DCUN1D5: variants seen among roughly 807,000 people sequenced by gnomAD.
DCUN1D5 encodes the protein defective in cullin neddylation 1 domain containing 5.
Under a neutral mutation model 38.3 loss-of-function variants are expected in DCUN1D5, and 10 were observed. The observed-to-expected ratio is 0.26, with a 90% confidence interval of 0.16 to 0.44. The LOEUF (loss-of-function observed/expected upper bound fraction) is 0.44. Among genes scored for constraint, DCUN1D5 ranks in the 20% least tolerant of loss-of-function variants. DCUN1D5 has a pLI of 1.00. For missense variants in DCUN1D5, 148 were observed against 275.3 expected (o/e 0.54, Z 3.27); for synonymous variants, 93 against 90.9 (o/e 1.02, Z -0.13).
Position 103,068,838 on chromosome 11 carries a change from TAA to T in DCUN1D5, c.342-2273_342-2272del, listed in dbSNP as rs34458894. Among the ~76,000 whole-genome samples the T allele has an allele frequency of 8.0e-3, 1,165 of 145,342 alleles. 13 individuals carry two copies. Among genetic ancestry groups the T allele is most frequent in the African/African-American group, 0.027 (1,070 of 40,046 alleles). On this transcript the variant is annotated intron_variant, in intron 4 of 7. Transcript: ENST00000260247. ...CACATGTACCCCCAAACCTAAAAAT[TAA>T]AAAAAAAAAAAGATCTTACAGTTCA...
In DCUN1D5 at chr11:103,086,106, T is replaced by C. The variant is rs1272939779; in HGVS notation, c.179-2780A>G. Among the ~76,000 whole-genome samples the C allele has an allele frequency of 2.6e-5, 4 of 152,164 alleles. No homozygotes were observed. The highest frequency in any genetic ancestry group is 2.9e-5 in the Non-Finnish European group (2 of 68,018). On this transcript the variant is annotated intron_variant, in intron 2 of 7. Coordinates refer to ENST00000260247, the MANE Select transcript of DCUN1D5 (RefSeq NM_032299.4). This position sits in a 1 kb window ranked among gnomAD's most constrained non-coding sequence, Gnocchi z 4.1. The stretch of plus-strand genomic sequence containing the variant: ...AAACACCATCAATTTCCTGATTTCT[T>C]TATAACCATAAAGGAATGTTCCTAG...
rs1488782304 is a variant in DCUN1D5, at chr11:103,052,214, C to T, written c.*10145G>A. 6.6e-6 allele frequency: 1 copy of T among 152,170 alleles called. No individual in the cohort carries two copies. The highest frequency in any genetic ancestry group is 6.5e-5 in the Admixed American group (1 of 15,276). 9.4% of individuals were successfully genotyped at this position (152,170 alleles called of 1,614,324 possible). A position where few individuals can be genotyped will look rare whatever the true frequency, so the allele number is the denominator to read the frequency against. Reference sequence around the variant, plus strand: ...ATGCTGAGAGCTGAAGACATGGTTTCTGCCCTCAAGAATCTCAGTCTAATG... The same window carrying T: ...ATGCTGAGAGCTGAAGACATGGTTTTTGCCCTCAAGAATCTCAGTCTAATG... On this transcript the variant is annotated 3_prime_UTR_variant, in exon 8 of 8. Coordinates refer to ENST00000260247, the MANE Select transcript of DCUN1D5 (RefSeq NM_032299.4).
Position 103,092,004 on chromosome 11 carries a change from C to A in DCUN1D5, c.-132G>T, listed in dbSNP as rs758333816. Reference sequence around the variant, plus strand: ...GAGGAGCAGAGTCGCCAGCCCGCACCGGCGCGGCCCAGCCCGGCCGCCGCC... The same window carrying A: ...GAGGAGCAGAGTCGCCAGCCCGCACAGGCGCGGCCCAGCCCGGCCGCCGCC... On this transcript the variant is annotated 5_prime_UTR_variant, in exon 1 of 8. Transcript: ENST00000260247. 18 of 809,024 alleles carry A rather than the reference C, an allele frequency of 2.2e-5. No homozygotes were observed. Among genetic ancestry groups the A allele is most frequent in the Non-Finnish European group, 3.2e-5 (17 of 531,516 alleles). The allele number at this position is 809,024 out of a possible 1,614,324, so 50.1% of individuals were successfully genotyped here. A position where few individuals can be genotyped will look rare whatever the true frequency, so the allele number is the denominator to read the frequency against.
chr11:103,069,557 TA>T (rs1265421056), intron 4 of DCUN1D5, among the ~76,000 whole-genome samples: 1 of 152,080 alleles, frequency 6.6e-6, no homozygotes, highest in Non-Finnish European at 1.5e-5. Context: ...TCTTGCCAGG[TA>T]GTAACAAGCA....
Position 103,091,895 on chromosome 11 carries a change from G to A in DCUN1D5, c.-23C>T. 6.2e-7 allele frequency: 1 copy of A among 1,605,938 alleles called. No individual in the cohort carries two copies. The highest frequency in any genetic ancestry group is 8.5e-7 in the Non-Finnish European group (1 of 1,175,574). On this transcript the variant is annotated 5_prime_UTR_variant, in exon 1 of 8. Coordinates refer to ENST00000260247, the MANE Select transcript of DCUN1D5 (RefSeq NM_032299.4). The surrounding 1 kb of genome is among the most constrained non-coding windows in gnomAD (Gnocchi z 4.3). Reference sequence around the variant, plus strand: ...CATCTTCCGCCCTCCCCGGCAGGGTGGGCAGGGGAGCCGGGGAAGGGGGTC... The same window carrying A: ...CATCTTCCGCCCTCCCCGGCAGGGTAGGCAGGGGAGCCGGGGAAGGGGGTC...
chr11:103,063,912 T>C lies in DCUN1D5; in HGVS notation c.658+363A>G, dbSNP rs1024806495. ...TACAATAATGTTAAAGCTTTTTCTA[T>C]TGTGGCTGATTGTTTTGCTGTTATA... On this transcript the variant is annotated intron_variant, in intron 7 of 7. Coordinates refer to ENST00000260247, the MANE Select transcript of DCUN1D5 (RefSeq NM_032299.4). This position sits in a 1 kb window ranked among gnomAD's most constrained non-coding sequence, Gnocchi z 4.6. Among the ~76,000 whole-genome samples, 3 of 152,198 alleles carry C rather than the reference T, an allele frequency of 2.0e-5. No homozygotes were observed. Among genetic ancestry groups the C allele is most frequent in the Admixed American group, 6.5e-5 (1 of 15,284 alleles).
Position 103,055,333 on chromosome 11 carries a change from TC to T in DCUN1D5, c.*7025del, listed in dbSNP as rs1450399466. 6.6e-6 allele frequency: 1 copy of T among 152,160 alleles called. No homozygotes were observed. The highest frequency in any genetic ancestry group is 2.4e-5 in the African/African-American group (1 of 41,440). The allele number at this position is 152,160 out of a possible 1,614,324, so 9.4% of individuals were successfully genotyped here. On this transcript the variant is annotated 3_prime_UTR_variant, in exon 8 of 8. Coordinates refer to ENST00000260247, the MANE Select transcript of DCUN1D5 (RefSeq NM_032299.4). The stretch of plus-strand genomic sequence containing the variant: ...GCTATATTAATTCATGTAGAACTCT[TC>T]ACAATCTAGAAGCAAGCCTGCCCTC...
In DCUN1D5 at chr11:103,052,016, C is replaced by T. The variant is rs1861752518; in HGVS notation, c.*10343G>A. The T allele has an allele frequency of 6.6e-6, 1 of 152,222 alleles. No individual in the cohort carries two copies. Among genetic ancestry groups the T allele is most frequent in the Non-Finnish European group, 1.5e-5 (1 of 68,036 alleles). 9.4% of individuals were successfully genotyped at this position (152,222 alleles called of 1,614,324 possible). The stretch of plus-strand genomic sequence containing the variant: ...TATAGCTTATTGTCATATTATTCAA[C>T]TGGCACTAACTCAGAAAATGCTTAG... On this transcript the variant is annotated 3_prime_UTR_variant, in exon 8 of 8. Coordinates refer to ENST00000260247, the MANE Select transcript of DCUN1D5 (RefSeq NM_032299.4).
At position 103,087,006 on chromosome 11, in the gene DCUN1D5, T is replaced by A. The variant is rs1428956881; in HGVS notation, c.178+2221A>T. 6.6e-6 allele frequency among the ~76,000 whole-genome samples: 1 copy of A among 151,906 alleles called. No individual in the cohort carries two copies. Among genetic ancestry groups the A allele is most frequent in the East Asian group, 1.9e-4 (1 of 5,188 alleles). ...ATATGATCTTGGGCAAATTAATTAATCTAAGTCTCAGTTTTCTCATCTATA... is the reference window on the plus strand; with the variant it reads ...ATATGATCTTGGGCAAATTAATTAAACTAAGTCTCAGTTTTCTCATCTATA... On this transcript the variant is annotated intron_variant, in intron 2 of 7. Transcript: ENST00000260247. The surrounding 1 kb of genome is among the most constrained non-coding windows in gnomAD (Gnocchi z 4.1).
rs535406998 is a variant in DCUN1D5 at position 103,056,690 on chromosome 11, GA to G, written c.*5668del. 6.6e-6 allele frequency among the ~76,000 whole-genome samples: 1 copy of G among 152,176 alleles called. No individual in the cohort carries two copies. On this transcript the variant is annotated 3_prime_UTR_variant, in exon 8 of 8. Coordinates refer to ENST00000260247, the MANE Select transcript of DCUN1D5 (RefSeq NM_032299.4). This position sits in a 1 kb window ranked among gnomAD's most constrained non-coding sequence, Gnocchi z 4.9. ...CTAGAATACTTCTTGGCATATAGTA[GA>G]TGCTTGAGATTTGTTAAATTAATGA...
rs1254801944 is a variant in DCUN1D5, at chr11:103,056,885, CCTA to C, written c.*5471_*5473del. ...AGTAACAAGACGCATTCATTTAACA[CCTA>C]CTAAGTGCTGTGGATAGGGCCTATT... On this transcript the variant is annotated 3_prime_UTR_variant, in exon 8 of 8. Transcript: ENST00000260247. The surrounding 1 kb of genome is among the most constrained non-coding windows in gnomAD (Gnocchi z 4.9). Among the ~76,000 whole-genome samples the C allele has an allele frequency of 6.6e-6, 1 of 152,168 alleles. No individual in the cohort carries two copies. The highest frequency in any genetic ancestry group is 1.5e-5 in the Non-Finnish European group (1 of 68,030).
At position 103,078,042 on chromosome 11, in the gene DCUN1D5, C is replaced by G. The variant is rs1420523411; in HGVS notation, c.341+4706G>C. Among the ~76,000 whole-genome samples, 1 of 152,154 alleles carries G rather than the reference C, an allele frequency of 6.6e-6. No homozygotes were observed. Among genetic ancestry groups the G allele is most frequent in the Non-Finnish European group, 1.5e-5 (1 of 68,034 alleles). ...AAAAATCATATAAATGTTCCCTATTCCCCTCTCGCTAAGACGGTCAAGCCA... is the reference window on the plus strand; with the variant it reads ...AAAAATCATATAAATGTTCCCTATTGCCCTCTCGCTAAGACGGTCAAGCCA... On this transcript the variant is annotated intron_variant, in intron 4 of 7. Coordinates refer to ENST00000260247, the MANE Select transcript of DCUN1D5 (RefSeq NM_032299.4). The surrounding 1 kb of genome is among the most constrained non-coding windows in gnomAD (Gnocchi z 4.6).
At position 103,062,678 on chromosome 11, in the gene DCUN1D5, A is replaced by T. The variant is rs932307256; in HGVS notation, c.659-264T>A. ...ACCCTCCAGTAACTGAGTCAATACA[A>T]ATCTCTCCCTTTTTCTAAGTGTCCA... On this transcript the variant is annotated intron_variant, in intron 7 of 7. Transcript: ENST00000260247. This position sits in a 1 kb window ranked among gnomAD's most constrained non-coding sequence, Gnocchi z 4.6. Among the ~76,000 whole-genome samples, 1 of 152,070 alleles carries T rather than the reference A, an allele frequency of 6.6e-6. No individual in the cohort carries two copies. Among genetic ancestry groups the T allele is most frequent in the South Asian group, 2.1e-4 (1 of 4,824 alleles).
rs1038970247 is a variant in DCUN1D5 at position 103,058,914 on chromosome 11, T to A, written c.*3445A>T. Among the ~76,000 whole-genome samples, 2 of 151,964 alleles carry A rather than the reference T, an allele frequency of 1.3e-5. No homozygotes were observed. The highest frequency in any genetic ancestry group is 2.4e-5 in the African/African-American group (1 of 41,410). ...GTTTTTTTGGGGGGGGTTTTAATTTTATTTTTTATTTTTGGCCTTTTGCTT... is the reference window on the plus strand; with the variant it reads ...GTTTTTTTGGGGGGGGTTTTAATTTAATTTTTTATTTTTGGCCTTTTGCTT... On this transcript the variant is annotated 3_prime_UTR_variant, in exon 8 of 8. Transcript: ENST00000260247.
chr11:103,079,110 C>A (rs142496367), intron 4 of DCUN1D5, among the ~76,000 whole-genome samples: 1 of 152,148 alleles, frequency 6.6e-6, no homozygotes, highest in Non-Finnish European at 1.5e-5. Flanking sequence ...CACAGGAATG[C>A]GAACCCTATT....
At position 103,087,811 on chromosome 11, in the gene DCUN1D5, C is replaced by T. The variant is rs1487075192; in HGVS notation, c.178+1416G>A. On this transcript the variant is annotated intron_variant, in intron 2 of 7. Transcript: ENST00000260247. The surrounding 1 kb of genome is among the most constrained non-coding windows in gnomAD (Gnocchi z 4.1). ...AAACAAATGTTTAATTAGAATCTTA[C>T]ACTACCTAGGAAAGTTCCTAGTTGA... Among the ~76,000 whole-genome samples, 2 of 152,078 alleles carry T rather than the reference C, an allele frequency of 1.3e-5. No homozygotes were observed. Among genetic ancestry groups the T allele is most frequent in the African/African-American group, 2.4e-5 (1 of 41,416 alleles).
chr11:103,074,191 T>C (rs1862350374), intron 4 of DCUN1D5, among the ~76,000 whole-genome samples: 1 of 152,200 alleles, frequency 6.6e-6, no homozygotes, highest in East Asian at 1.9e-4. Context: ...AAAGAAGTTA[T>C]AGAATGTAAG....
At position 103,058,367 on chromosome 11, in the gene DCUN1D5, T is replaced by C. The variant is rs1327353416; in HGVS notation, c.*3992A>G. 6.6e-6 allele frequency among the ~76,000 whole-genome samples: 1 copy of C among 152,210 alleles called. No individual in the cohort carries two copies. The highest frequency in any genetic ancestry group is 1.5e-5 in the Non-Finnish European group (1 of 68,030). ...GTGGACACAGCAAATGTATGATCGA[T>C]CAGTTTTAAGACTGTTTTTAAAAAC... On this transcript the variant is annotated 3_prime_UTR_variant, in exon 8 of 8. Coordinates refer to ENST00000260247, the MANE Select transcript of DCUN1D5 (RefSeq NM_032299.4).
At position 103,057,068 on chromosome 11, in the gene DCUN1D5, A is replaced by G. The variant is rs1298158790; in HGVS notation, c.*5291T>C. On this transcript the variant is annotated 3_prime_UTR_variant, in exon 8 of 8. Coordinates refer to ENST00000260247, the MANE Select transcript of DCUN1D5 (RefSeq NM_032299.4). The surrounding 1 kb of genome is among the most constrained non-coding windows in gnomAD (Gnocchi z 4.8). Reference sequence around the variant, plus strand: ...GGTTTCTCAGATAATACTTCTATAAACTCTCTCTCAATAGGCATAGTTTCA... The same window carrying G: ...GGTTTCTCAGATAATACTTCTATAAGCTCTCTCTCAATAGGCATAGTTTCA... 2.6e-5 allele frequency among the ~76,000 whole-genome samples: 4 copies of G among 151,848 alleles called. No individual in the cohort carries two copies. Among genetic ancestry groups the G allele is most frequent in the African/African-American group, 9.7e-5 (4 of 41,192 alleles).
Sources: allele counts gnomAD v4.1 joint callset (sites outside exome capture counted in the v4.1 genomes callset), GRCh38; gene constraint gnomAD v4.1.1; non-coding constraint Gnocchi (gnomAD v3.1); transcripts MANE v1.5; gene names NCBI Gene and HGNC (gene_info 2026-07-23, HGNC 2026-07-21).